The following FAM76A variants were observed in gnomAD, a reference collection of about 807,000 sequenced individuals.
FAM76A encodes protein FAM76A.
Under a neutral mutation model 46.2 loss-of-function variants are expected in FAM76A, and 32 were observed. The ratio of observed to expected loss-of-function variants is 0.69; its 90% CI spans 0.52 to 0.93. The LOEUF is 0.93. FAM76A is among the 40% of genes least tolerant of loss of function. The pLI, the probability that FAM76A is intolerant of heterozygous loss-of-function variation, is 0.00. For synonymous variants in FAM76A, 137 were observed against 127.0 expected, an observed-to-expected ratio of 1.08 and a Z score of -0.53; for missense variants, 274 against 361.5, an observed-to-expected ratio of 0.76 and a Z score of 1.96.
chr1:27,759,460 C>A, intron 7 of FAM76A, 66 bp from the exon 8 acceptor site: 1 of 1,148,302 alleles, frequency 8.7e-7, no homozygotes, highest in South Asian at 1.4e-5. Context: ...CCATTTAGCT[C>A]TCTGAAAGCA....
chr1:27,740,047 A>G (rs2088125503), intron 4 of FAM76A: 3 of 401,674 alleles, frequency 7.5e-6, no homozygotes, highest in Admixed American at 3.0e-5. Context: ...CTCTGGGTCC[A>G]CCTGGATGTC....
intron 4 of FAM76A, chr1:27,740,545 G>A (rs2088133920): frequency 8.3e-7 from 1 of 1,202,132 alleles, no homozygotes; most frequent in East Asian, 2.4e-5. Context: ...GCGTTGTTAT[G>A]AGGAGTGAGG....
chr1:27,745,076 C>G (rs1173031364), intron 5 of FAM76A, among the ~76,000 whole-genome samples: 1 of 152,160 alleles, frequency 6.6e-6, no homozygotes, highest in Non-Finnish European at 1.5e-5. Flanking sequence ...TGTTCTCACC[C>G]TTAGAGTGGA....
At chr1:27,758,646 C>T (rs961385352) in intron 7 of FAM76A, among the ~76,000 whole-genome samples, 35 of 151,452 alleles carry the variant, frequency 2.3e-4, no homozygotes, top group African/African-American at 5.3e-4. Flanking sequence ...GGACTGCAGG[C>T]GCACACCACC....
At chr1:27,740,314 C>T (rs1044029058) in intron 4 of FAM76A, 3 of 870,230 alleles carry the variant, frequency 3.4e-6, no homozygotes, top group Admixed American at 1.7e-5. Context: ...CCAGGAACTA[C>T]AGTTGAGTAT....
intron 8 of FAM76A, chr1:27,760,059 C>T (rs1465218964): frequency 1.1e-5 from 5 of 453,150 alleles, no homozygotes; most frequent in South Asian, 7.9e-5. Flanking sequence ...AGGCGTGAGC[C>T]ACCATGCCCA....
At chr1:27,748,494 C>T (rs1382573573) in intron 5 of FAM76A, among the ~76,000 whole-genome samples, 2 of 105,572 alleles carry the variant, frequency 1.9e-5, no homozygotes, top group Admixed American at 1.1e-4. Context: ...TTTTTTGAGG[C>T]GGAGTCTCGC....
rs1447889598 is a variant in FAM76A, at chr1:27,755,182, T to A, written c.600-13T>A. 6.2e-7 allele frequency: 1 copy of A among 1,613,420 alleles called. No homozygotes were observed. Among genetic ancestry groups the A allele is most frequent in the African/African-American group, 1.3e-5 (1 of 74,870 alleles). ...TCCAAGTTAAAATATTTTCCCCTGA[T>A]TTTTAAATTTAGCTTCTCCCCAGAC... On this transcript the variant is annotated splice_polypyrimidine_tract_variant and intron_variant, in intron 6 of 8. Transcript: ENST00000373954.
At chr1:27,728,416 C>T (rs1008605232) in intron 2 of FAM76A, among the ~76,000 whole-genome samples, 5 of 151,984 alleles carry the variant, frequency 3.3e-5, no homozygotes, top group African/African-American at 9.7e-5. Flanking sequence ...GCAGTGGAGC[C>T]GTCATGGCTC....
chr1:27,743,507 G>A (rs2088190032), intron 4 of FAM76A, among the ~76,000 whole-genome samples: 1 of 152,156 alleles, frequency 6.6e-6, no homozygotes, highest in Admixed American at 6.5e-5. Context: ...GCTCACGCCT[G>A]TAAGTTCAGC....
chr1:27,729,353 G>T (rs1224124691), intron 2 of FAM76A, among the ~76,000 whole-genome samples: 8 of 151,760 alleles, frequency 5.3e-5, no homozygotes, highest in Non-Finnish European at 1.0e-4. Flanking sequence ...GACCAGGGGT[G>T]CACACCACCA....
intron 3 of FAM76A, 22 bp downstream of exon 3, chr1:27,732,679 C>T (rs912658931): frequency 9.4e-6 from 15 of 1,598,552 alleles, no homozygotes; most frequent in Non-Finnish European, 1.0e-5. Flanking sequence ...ATTTTCAAAC[C>T]TAACAGTGAG....
chr1:27,740,399 C>A (rs1179631252), intron 4 of FAM76A: 1 of 1,379,312 alleles, frequency 7.2e-7, no homozygotes, highest in African/African-American at 1.5e-5. Flanking sequence ...GGCAGAAATT[C>A]ATGGATGATA....
At chr1:27,751,964 C>T (rs529123729) in intron 6 of FAM76A, among the ~76,000 whole-genome samples, 2 of 151,996 alleles carry the variant, frequency 1.3e-5, no homozygotes, top group African/African-American at 2.4e-5. Context: ...CCTCCACACT[C>T]GGCTAATTTT....
chr1:27,732,446 T>C (rs1240379501), intron 2 of FAM76A, among the ~76,000 whole-genome samples, 157 bp from the exon 3 acceptor site: 14 of 151,918 alleles, frequency 9.2e-5, no homozygotes, highest in African/African-American at 3.1e-4. Context: ...TGAATAAAAA[T>C]AAAAGAGTTA....
intron 2 of FAM76A, among the ~76,000 whole-genome samples, chr1:27,731,301 T>G (rs1227487955): frequency 6.6e-6 from 1 of 151,180 alleles, no homozygotes. Context: ...TCTCCCAGGT[T>G]CAAGCGATTC....
intron 6 of FAM76A, among the ~76,000 whole-genome samples, chr1:27,751,460 A>G (rs1290463531): frequency 6.7e-6 from 1 of 149,280 alleles, no homozygotes; most frequent in Non-Finnish European, 1.5e-5. Context: ...GTCCTTTTTT[A>G]ATGTCATCCA....
chr1:27,728,032 T>A (rs1055777268), intron 2 of FAM76A, among the ~76,000 whole-genome samples: 40 of 152,208 alleles, frequency 2.6e-4, no homozygotes, highest in African/African-American at 9.4e-4. Flanking sequence ...GGTCTTGAAC[T>A]CCTGACCTCG....
intron 4 of FAM76A, among the ~76,000 whole-genome samples, chr1:27,737,886 A>AC (rs2088080807): frequency 6.7e-6 from 1 of 149,840 alleles, no homozygotes; most frequent in Non-Finnish European, 1.5e-5. Context: ...AAAAAAAAAA[A>AC]AAAAAACAGA....
Sources: gnomAD v4.1 joint callset for allele counts (sites outside exome capture counted in the v4.1 genomes callset) on GRCh38, gnomAD v4.1.1 for gene constraint, MANE v1.5 for transcripts, NCBI Gene and HGNC (gene_info 2026-07-23, HGNC 2026-07-21) for gene names.